ASTN2: variants seen among roughly 807,000 people sequenced by gnomAD.
The protein encoded by ASTN2 is astrotactin 2.
A neutral mutation model predicts 139.8 loss-of-function variants in ASTN2; 54 were observed. That is an observed-to-expected ratio of 0.39 (90% CI 0.31 to 0.48). The LOEUF (loss-of-function observed/expected upper bound fraction) is 0.48. Among genes scored for constraint, ASTN2 ranks in the 20% least tolerant of loss-of-function variants. The probability of loss-of-function intolerance (pLI) is 0.95; values close to 1 mark genes in which losing one functional copy is unlikely to be tolerated. For synonymous variants in ASTN2, 756 were observed against 719.5 expected, an observed-to-expected ratio of 1.05 and a Z score of -0.81; for missense variants, 1,565 against 1,725.1, an observed-to-expected ratio of 0.91 and a Z score of 1.64.
intron 2 of ASTN2, among the ~76,000 whole-genome samples, chr9:117,256,257 T>C (rs1244768970): frequency 6.6e-6 from 1 of 152,162 alleles, no homozygotes; most frequent in Non-Finnish European, 1.5e-5. Context: ...GCTCCTCTTT[T>C]GTTCAGAGGC....
intron 1 of ASTN2, among the ~76,000 whole-genome samples, chr9:117,300,404 A>G (rs571392218): frequency 2.0e-5 from 3 of 152,348 alleles, no homozygotes; most frequent in Admixed American, 2.0e-4. Context: ...TGTGCAATAA[A>G]TATTTGTCAA....
chr9:116,669,948 G>C (rs1175308972), intron 16 of ASTN2, among the ~76,000 whole-genome samples: 1 of 152,074 alleles, frequency 6.6e-6, no homozygotes, highest in African/African-American at 2.4e-5. Flanking sequence ...GGGATTACAG[G>C]CACGTGCCAC....
At chr9:117,405,189 C>T (rs1432144928) in intron 1 of ASTN2, among the ~76,000 whole-genome samples, 1 of 152,142 alleles carries the variant, frequency 6.6e-6, no homozygotes, top group East Asian at 1.9e-4. Context: ...AAGAGGATGA[C>T]ATAAGAAGTA....
intron 2 of ASTN2, among the ~76,000 whole-genome samples, chr9:117,239,226 G>A (rs1309913336): frequency 6.6e-6 from 1 of 152,136 alleles, no homozygotes; most frequent in East Asian, 1.9e-4. Context: ...TGCAACAAAT[G>A]TAAGCAGTGT....
intron 1 of ASTN2, among the ~76,000 whole-genome samples, chr9:117,402,116 G>A (rs1830849140): frequency 6.6e-6 from 1 of 152,112 alleles, no homozygotes; most frequent in African/African-American, 2.4e-5. Flanking sequence ...ACCCAGGCTG[G>A]AGTGCAGTGG....
chr9:116,762,178 G>A (rs534123015), intron 13 of ASTN2, among the ~76,000 whole-genome samples: 2 of 152,248 alleles, frequency 1.3e-5, no homozygotes, highest in African/African-American at 4.8e-5. Context: ...TGTAATATTG[G>A]CTCTAATCAT....
chr9:116,778,410 A>ATTG (rs869207190), intron 13 of ASTN2, among the ~76,000 whole-genome samples: 1 of 75,786 alleles, frequency 1.3e-5, no homozygotes, highest in African/African-American at 4.1e-5. Flanking sequence ...TTATTTTATT[A>ATTG]CTATTATTTT....
chr9:116,970,654 A>G (rs562315720), intron 10 of ASTN2, among the ~76,000 whole-genome samples: 10 of 152,334 alleles, frequency 6.6e-5, no homozygotes, highest in Admixed American at 3.3e-4. Context: ...TGGAATTGAA[A>G]GGCCAAAAGA....
intron 17 of ASTN2, among the ~76,000 whole-genome samples, chr9:116,629,946 G>A (rs1856661750): frequency 6.6e-6 from 1 of 152,174 alleles, no homozygotes; most frequent in South Asian, 2.1e-4. Context: ...AGGATTATAT[G>A]ATCCTCAGGC....
chr9:117,290,870 T>C lies in ASTN2; in HGVS notation c.630+456A>G, dbSNP rs1834572941. On this transcript the variant is annotated intron_variant, in intron 2 of 22. Transcript: ENST00000313400. The stretch of plus-strand genomic sequence containing the variant: ...TCCAGCCCAGCTACAAGGGCCACCA[T>C]GCAGTTGTTGCAAGGGTTAAAACAC... Among the ~76,000 whole-genome samples the C allele has an allele frequency of 1.3e-5, 2 of 152,198 alleles. 1 individual carries two copies. The highest frequency in any genetic ancestry group is 4.1e-4 in the South Asian group (2 of 4,828).
At chr9:116,452,332 C>T (rs1457191553) in intron 20 of ASTN2, among the ~76,000 whole-genome samples, 1 of 152,162 alleles carries the variant, frequency 6.6e-6, no homozygotes. Context: ...AACTTGGAAG[C>T]ATGTTGAATT....
At chr9:116,591,951 G>T (rs1854394832) in intron 19 of ASTN2, among the ~76,000 whole-genome samples, 1 of 152,190 alleles carries the variant, frequency 6.6e-6, no homozygotes, top group African/African-American at 2.4e-5. Context: ...AATGAAAGAA[G>T]AGATAATAGT....
chr9:116,658,797 T>C (rs1858387037), intron 16 of ASTN2, among the ~76,000 whole-genome samples: 1 of 136,518 alleles, frequency 7.3e-6, no homozygotes, highest in African/African-American at 2.8e-5. Context: ...AGGTGCAAAG[T>C]AAAGAAAGAG....
chr9:117,363,865 A>C (rs954332585), intron 1 of ASTN2, among the ~76,000 whole-genome samples: 2 of 152,086 alleles, frequency 1.3e-5, no homozygotes, highest in Admixed American at 1.3e-4. Flanking sequence ...GCAGACATCT[A>C]TCTTTTCTCT....
chr9:116,794,606 T>A (rs1830644865), intron 13 of ASTN2, among the ~76,000 whole-genome samples: 1 of 152,198 alleles, frequency 6.6e-6, no homozygotes, highest in Admixed American at 6.5e-5. Context: ...ACACGCTGTG[T>A]GGCCTTGAAT....
intron 6 of ASTN2, among the ~76,000 whole-genome samples, chr9:117,038,732 GT>G (rs1227227832): frequency 3.3e-5 from 5 of 152,148 alleles, no homozygotes; most frequent in African/African-American, 1.2e-4. Context: ...GCTAAAGACG[GT>G]GATGGCATGT....
rs774191769 is a variant in ASTN2 at position 116,425,675 on chromosome 9, A to C, written c.*176T>G. On this transcript the variant is annotated 3_prime_UTR_variant, in exon 23 of 23. Coordinates refer to ENST00000313400, the MANE Select transcript of ASTN2 (RefSeq NM_001365068.1). ...AAAAATGAATAATTCCATTGGTTAC[A>C]AAGGTCTCTGTCCACTATCCACAGG... The C allele has an allele frequency of 9.3e-6, 15 of 1,609,512 alleles. No homozygotes were observed. In the South Asian group the frequency reaches 1.7e-4, roughly 18 times the overall value.
intron 3 of ASTN2, among the ~76,000 whole-genome samples, chr9:117,181,624 A>G (rs934544836): frequency 5.9e-5 from 9 of 152,222 alleles, no homozygotes; most frequent in Middle Eastern, 3.4e-3. Context: ...CCAGGTCCCA[A>G]TTGTAGCTCT....
intron 20 of ASTN2, among the ~76,000 whole-genome samples, chr9:116,444,702 G>C (rs1847934463): frequency 6.6e-6 from 1 of 152,188 alleles, no homozygotes; most frequent in South Asian, 2.1e-4. Flanking sequence ...CGGTCTTGGA[G>C]ATGGCCAGAT....
Sources: gnomAD v4.1 joint callset for allele counts (sites outside exome capture counted in the v4.1 genomes callset) on GRCh38, gnomAD v4.1.1 for gene constraint, MANE v1.5 for transcripts, NCBI Gene and HGNC (gene_info 2026-07-23, HGNC 2026-07-21) for gene names.